Variants in CNTN4 observed in about 807,000 individuals in gnomAD.
CNTN4 encodes contactin 4.
Under a neutral mutation model 122.5 loss-of-function variants are expected in CNTN4, and 77 were observed. The ratio of observed to expected loss-of-function variants is 0.63; its 90% CI spans 0.52 to 0.76. The LOEUF (loss-of-function observed/expected upper bound fraction) is 0.76, where lower values mean the gene tolerates loss of function less well. CNTN4 is among the 30% of genes least tolerant of loss of function. The probability of loss-of-function intolerance (pLI) is 0.00; values close to 1 mark genes in which losing one functional copy is unlikely to be tolerated. For synonymous variants in CNTN4, 512 were observed against 447.0 expected (o/e 1.15, Z -1.83); for missense variants, 1,256 against 1,259.1 (o/e 1.00, Z 0.04).
At chr3:2,168,916 T>A (rs2036319298) in intron 2 of CNTN4, among the ~76,000 whole-genome samples, 1 of 152,140 alleles carries the variant, frequency 6.6e-6, no homozygotes, top group East Asian at 1.9e-4. Flanking sequence ...AAATTAAAGA[T>A]TGTCTTAGAT....
chr3:2,896,989 G>C (rs1270294101), intron 10 of CNTN4, among the ~76,000 whole-genome samples: 1 of 147,464 alleles, frequency 6.8e-6, no homozygotes, highest in Non-Finnish European at 1.5e-5. Context: ...AATTTCTAAG[G>C]CCTAAGGCAT....
chr3:2,419,268 A>T (rs541313490), intron 3 of CNTN4, among the ~76,000 whole-genome samples: 31 of 152,216 alleles, frequency 2.0e-4, no homozygotes, highest in African/African-American at 7.5e-4. Flanking sequence ...GTAACATTCC[A>T]CTCTAATGTA....
intron 6 of CNTN4, among the ~76,000 whole-genome samples, chr3:2,800,528 A>G (rs969150348): frequency 6.6e-6 from 1 of 152,160 alleles, no homozygotes; most frequent in Non-Finnish European, 1.5e-5. Flanking sequence ...GCTTTATCTT[A>G]ATTCATCTTT....
chr3:2,120,618 G>A (rs2033707085), intron 2 of CNTN4, among the ~76,000 whole-genome samples: 3 of 151,500 alleles, frequency 2.0e-5, no homozygotes, highest in African/African-American at 7.3e-5. Flanking sequence ...GATGAGGCTG[G>A]TCTTGAACTC....
In CNTN4 at chr3:2,578,425, A is replaced by T. The variant is rs139595509; in HGVS notation, c.55+6867A>T. Among the ~76,000 whole-genome samples, 394 of 152,304 alleles carry T rather than the reference A, an allele frequency of 2.6e-3. 2 individuals are homozygous for T. The highest frequency in any genetic ancestry group is 8.7e-3 in the African/African-American group (362 of 41,578). On this transcript the variant is annotated intron_variant, in intron 4 of 24. Coordinates refer to ENST00000418658, the MANE Select transcript of CNTN4 (RefSeq NM_175607.3). Reference sequence around the variant, plus strand: ...GATCCTCCCTTTTATCCCCACCAGGATGGAGAGCACACAGTAGTTCATTTC... The same window carrying T: ...GATCCTCCCTTTTATCCCCACCAGGTTGGAGAGCACACAGTAGTTCATTTC...
chr3:2,522,339 A>G (rs2077251828), intron 3 of CNTN4, among the ~76,000 whole-genome samples: 1 of 152,144 alleles, frequency 6.6e-6, no homozygotes, highest in African/African-American at 2.4e-5. Flanking sequence ...AGTATTAACA[A>G]GGTGGTTGCA....
intron 3 of CNTN4, among the ~76,000 whole-genome samples, chr3:2,352,061 A>G (rs1423791680): frequency 6.6e-6 from 1 of 152,202 alleles, no homozygotes; most frequent in Non-Finnish European, 1.5e-5. Flanking sequence ...TTTTACTCAT[A>G]AGTGTATACA....
intron 3 of CNTN4, among the ~76,000 whole-genome samples, chr3:2,473,688 A>G (rs1421070377): frequency 6.6e-6 from 1 of 152,120 alleles, no homozygotes; most frequent in African/African-American, 2.4e-5. Flanking sequence ...CATTCTTCTC[A>G]TAAGCCAGAA....
chr3:2,253,215 G>A (rs1223234671), intron 2 of CNTN4, among the ~76,000 whole-genome samples: 7 of 151,976 alleles, frequency 4.6e-5, no homozygotes, highest in Non-Finnish European at 7.4e-5. Flanking sequence ...ATTGAAGAAC[G>A]TTGTCCATTT....
chr3:2,192,000 A>T (rs1327599792), intron 2 of CNTN4, among the ~76,000 whole-genome samples: 1 of 150,130 alleles, frequency 6.7e-6, no homozygotes, highest in Non-Finnish European at 1.5e-5. Flanking sequence ...TGTCCTTGTG[A>T]TGGTTTGCTG....
chr3:2,288,657 A>G (rs766195853), intron 2 of CNTN4, among the ~76,000 whole-genome samples: 2 of 152,184 alleles, frequency 1.3e-5, no homozygotes, highest in Non-Finnish European at 2.9e-5. Flanking sequence ...TCCATTTCAA[A>G]TGGAATAGAT....
At chr3:2,518,229 G>T (rs1367023756) in intron 3 of CNTN4, among the ~76,000 whole-genome samples, 1 of 152,096 alleles carries the variant, frequency 6.6e-6, no homozygotes, top group African/African-American at 2.4e-5. Context: ...GTGTGTGTGT[G>T]TGTGTGCACA....
At chr3:2,848,017 G>A (rs1159695299) in intron 7 of CNTN4, among the ~76,000 whole-genome samples, 2 of 152,116 alleles carry the variant, frequency 1.3e-5, no homozygotes, top group East Asian at 3.9e-4. Context: ...CCAACACTTC[G>A]GGAGGCTGAG....
intron 4 of CNTN4, among the ~76,000 whole-genome samples, chr3:2,615,792 T>C (rs1479756729): frequency 6.6e-6 from 1 of 152,154 alleles, no homozygotes; most frequent in African/African-American, 2.4e-5. Context: ...AGGCTAGATA[T>C]ACCTAGCCTT....
intron 14 of CNTN4, among the ~76,000 whole-genome samples, chr3:3,012,421 T>A (rs1697322174): frequency 6.6e-6 from 1 of 152,032 alleles, no homozygotes; most frequent in Admixed American, 6.5e-5. Context: ...CAAGCTCTAT[T>A]CTTGTTTGTT....
intron 10 of CNTN4, among the ~76,000 whole-genome samples, chr3:2,893,878 A>G (rs1208328443): frequency 6.6e-6 from 1 of 152,174 alleles, no homozygotes; most frequent in African/African-American, 2.4e-5. Context: ...TGTTGGTTTA[A>G]GGACTCCTTT....
intron 3 of CNTN4, among the ~76,000 whole-genome samples, chr3:2,387,115 T>C (rs1575523525): frequency 6.6e-6 from 1 of 152,230 alleles, no homozygotes; most frequent in East Asian, 1.9e-4. Context: ...GTGTGTCATC[T>C]GGAATTACTC....
At chr3:2,555,403 C>A (rs764013026) in intron 3 of CNTN4, among the ~76,000 whole-genome samples, 4 of 152,136 alleles carry the variant, frequency 2.6e-5, no homozygotes, top group Non-Finnish European at 5.9e-5. Context: ...CGATATTTTC[C>A]AAGCACACCG....
intron 4 of CNTN4, among the ~76,000 whole-genome samples, chr3:2,572,360 T>G (rs1232841015): frequency 6.6e-6 from 1 of 152,282 alleles, no homozygotes; most frequent in East Asian, 1.9e-4. Context: ...CACTCCAGCC[T>G]GGGCAACAGA....
Sources: gnomAD v4.1 joint callset for allele counts (sites outside exome capture counted in the v4.1 genomes callset) on GRCh38, gnomAD v4.1.1 for gene constraint, MANE v1.5 for transcripts, NCBI Gene and HGNC (gene_info 2026-07-23, HGNC 2026-07-21) for gene names.